DOK5: variants seen among roughly 807,000 people sequenced by gnomAD.
The protein encoded by DOK5 is downstream of tyrosine kinase 5.
A neutral mutation model predicts 43.3 loss-of-function variants in DOK5; 27 were observed. The ratio of observed to expected loss-of-function variants is 0.62; its 90% CI spans 0.46 to 0.86. The LOEUF (loss-of-function observed/expected upper bound fraction) is 0.86. Among genes scored for constraint, DOK5 ranks in the 40% least tolerant of loss-of-function variants. The pLI, the probability that DOK5 is intolerant of heterozygous loss-of-function variation, is 0.00. For missense variants in DOK5, 373 were observed against 392.9 expected, an observed-to-expected ratio of 0.95 and a Z score of 0.43; for synonymous variants, 146 against 140.1, an observed-to-expected ratio of 1.04 and a Z score of -0.30.
At chr20:54,516,369 G>A (rs1327334380) in intron 1 of DOK5, among the ~76,000 whole-genome samples, 1 of 152,200 alleles carries the variant, frequency 6.6e-6, no homozygotes, top group African/African-American at 2.4e-5. Flanking sequence ...TTGCCTCTTA[G>A]CAGATAGTAT....
intron 1 of DOK5, among the ~76,000 whole-genome samples, chr20:54,521,391 C>T (rs1469104512): frequency 6.6e-6 from 1 of 152,158 alleles, no homozygotes; most frequent in African/African-American, 2.4e-5. Context: ...AGCCTACCCA[C>T]ACCTGTTTAG....
At chr20:54,590,423 T>C (rs1013845554) in intron 4 of DOK5, among the ~76,000 whole-genome samples, 2 of 152,130 alleles carry the variant, frequency 1.3e-5, no homozygotes, top group African/African-American at 4.8e-5. Context: ...TTGAGTGAGG[T>C]AGGACTCAGA....
chr20:54,542,545 G>T (rs147918190), intron 1 of DOK5, among the ~76,000 whole-genome samples: 5 of 152,312 alleles, frequency 3.3e-5, no homozygotes, highest in Admixed American at 6.5e-5. Flanking sequence ...GGTCAACTTT[G>T]TACTGACAAA....
intron 1 of DOK5, among the ~76,000 whole-genome samples, chr20:54,480,985 ATCTATCATCTATCT>A (rs1345636190): frequency 0.018 from 527 of 28,490 alleles, 18 homozygotes; most frequent in African/African-American, 0.032. Context: ...TCTATCTATC[ATCTATCATCTATCT>A]ATCATCTATC....
At chr20:54,587,068 G>A (rs7273451) in intron 2 of DOK5, among the ~76,000 whole-genome samples, 13,442 of 152,170 alleles carry the variant, frequency 0.088, 1,973 homozygotes, top group African/African-American at 0.31. Context: ...GAAGTGGAAA[G>A]ATCAATAAGT....
chr20:54,601,246 G>A (rs1445091584), intron 5 of DOK5, among the ~76,000 whole-genome samples: 1 of 152,160 alleles, frequency 6.6e-6, no homozygotes, highest in African/African-American at 2.4e-5. Context: ...TTACTAAACT[G>A]CCATTTCATC....
chr20:54,558,346 G>C (rs1984783454), intron 2 of DOK5, among the ~76,000 whole-genome samples: 1 of 152,068 alleles, frequency 6.6e-6, no homozygotes, highest in South Asian at 2.1e-4. Context: ...AAATCTTTGG[G>C]GAAATTGGTA....
At chr20:54,547,360 G>C (rs1984384151) in intron 1 of DOK5, among the ~76,000 whole-genome samples, 1 of 152,126 alleles carries the variant, frequency 6.6e-6, no homozygotes, top group Non-Finnish European at 1.5e-5. Flanking sequence ...CCTTTCAACA[G>C]GAATTTTGTG....
rs949706749 is a variant in DOK5 at position 54,597,530 on chromosome 20, A to G, written c.599+5725A>G. Among the ~76,000 whole-genome samples, 4 of 152,220 alleles carry G rather than the reference A, an allele frequency of 2.6e-5. No individual in the cohort carries two copies. In the South Asian group the frequency reaches 6.2e-4, roughly 24 times the overall value. On this transcript the variant is annotated intron_variant, in intron 5 of 7. Coordinates refer to ENST00000262593, the MANE Select transcript of DOK5 (RefSeq NM_018431.5). ...GCTCATTACCTCATTTGAGCTACTC[A>G]TTATCATACAAACTAGGGGATACAG...
At chr20:54,509,965 G>T in intron 1 of DOK5, among the ~76,000 whole-genome samples, 1 of 151,974 alleles carries the variant, frequency 6.6e-6, no homozygotes, top group Admixed American at 6.5e-5. Flanking sequence ...TGGGGGGATG[G>T]GGGGAGGGAG....
chr20:54,605,158 G>T lies in DOK5; in HGVS notation c.600-5230G>T, dbSNP rs982191071. ...ACACAGAGAGAGAGAGAGACAGAGA[G>T]AGCCATGTGCACAGAATACATCTTG... On this transcript the variant is annotated intron_variant, in intron 5 of 7. Transcript: ENST00000262593. 5.5e-4 allele frequency among the ~76,000 whole-genome samples: 83 copies of T among 151,924 alleles called. 2 individuals carry two copies. The highest frequency in any genetic ancestry group is 6.8e-3 in the Middle Eastern group (2 of 294).
chr20:54,552,216 A>ATT (rs148954239), intron 1 of DOK5, among the ~76,000 whole-genome samples: 2 of 151,414 alleles, frequency 1.3e-5, no homozygotes, highest in Admixed American at 6.6e-5. Flanking sequence ...CGTTGTTAAC[A>ATT]TTTTTTTTTG....
intron 2 of DOK5, among the ~76,000 whole-genome samples, chr20:54,566,459 T>C (rs528605458): frequency 6.6e-5 from 10 of 152,278 alleles, no homozygotes; most frequent in African/African-American, 9.6e-5. Context: ...AATTGCTGGG[T>C]CATATGGTAG....
At chr20:54,521,376 G>T (rs186459685) in intron 1 of DOK5, among the ~76,000 whole-genome samples, 1 of 152,084 alleles carries the variant, frequency 6.6e-6, no homozygotes, top group Non-Finnish European at 1.5e-5. Flanking sequence ...CCACAAGGGG[G>T]TCCCAGCCTA....
At chr20:54,528,318 T>C (rs917554306) in intron 1 of DOK5, among the ~76,000 whole-genome samples, 2 of 152,096 alleles carry the variant, frequency 1.3e-5, no homozygotes, top group African/African-American at 2.4e-5. Context: ...CTCAGAATAA[T>C]AGTAGCTTAT....
chr20:54,569,632 A>G (rs1254532876), intron 2 of DOK5, among the ~76,000 whole-genome samples: 3 of 152,338 alleles, frequency 2.0e-5, no homozygotes, highest in South Asian at 2.1e-4. Flanking sequence ...AGAAGGTTAT[A>G]TAAAATCATA....
chr20:54,476,662 G>T (rs1236753078), intron 1 of DOK5, among the ~76,000 whole-genome samples: 2 of 152,132 alleles, frequency 1.3e-5, no homozygotes, highest in East Asian at 3.9e-4. Context: ...GTCCACGGAA[G>T]GGTTATTTAC....
intron 2 of DOK5, among the ~76,000 whole-genome samples, chr20:54,573,511 C>A (rs1600710920): frequency 6.6e-6 from 1 of 151,796 alleles, no homozygotes; most frequent in Non-Finnish European, 1.5e-5. Flanking sequence ...TATGGTGAAA[C>A]CCCATCTCTA....
intron 6 of DOK5, among the ~76,000 whole-genome samples, chr20:54,638,703 C>T (rs566545851): frequency 2.0e-5 from 3 of 151,030 alleles, no homozygotes; most frequent in African/African-American, 7.3e-5. Flanking sequence ...GAGTATGGGT[C>T]ACGTGTAGTA....
Sources: gnomAD v4.1 joint callset for allele counts (sites outside exome capture counted in the v4.1 genomes callset) on GRCh38, gnomAD v4.1.1 for gene constraint, MANE v1.5 for transcripts, NCBI Gene and HGNC (gene_info 2026-07-23, HGNC 2026-07-21) for gene names.